The following PTCHD4 variants were observed in gnomAD, a reference collection of about 807,000 sequenced individuals.
The protein encoded by PTCHD4 is patched domain-containing protein 4.
A neutral mutation model predicts 58.1 loss-of-function variants in PTCHD4; 33 were observed. The ratio of observed to expected loss-of-function variants is 0.57; its 90% CI spans 0.43 to 0.76. The LOEUF is 0.76. Among genes scored for constraint, PTCHD4 ranks in the 30% least tolerant of loss-of-function variants. The probability of loss-of-function intolerance (pLI) is 0.00; values close to 1 mark genes in which losing one functional copy is unlikely to be tolerated. For synonymous variants in PTCHD4, 478 were observed against 409.6 expected, an observed-to-expected ratio of 1.17 and a Z score of -2.02; for missense variants, 1,058 against 1,027.1, an observed-to-expected ratio of 1.03 and a Z score of -0.41.
At chr6:47,936,251 C>A (rs1449011752) in intron 4 of PTCHD4, among the ~76,000 whole-genome samples, 1 of 152,150 alleles carries the variant, frequency 6.6e-6, no homozygotes, top group Non-Finnish European at 1.5e-5. Context: ...ATTCTAGAGA[C>A]ATATCTTGAA....
At chr6:48,034,160 A>G (rs1763548267) in intron 3 of PTCHD4, among the ~76,000 whole-genome samples, 1 of 152,110 alleles carries the variant, frequency 6.6e-6, no homozygotes, top group African/African-American at 2.4e-5. Context: ...CCTGGATATT[A>G]GGGAAAAACA....
chr6:48,100,754 T>C (rs1321708757), intron 1 of PTCHD4, among the ~76,000 whole-genome samples: 2 of 152,232 alleles, frequency 1.3e-5, no homozygotes, highest in African/African-American at 4.8e-5. Flanking sequence ...CATTGTTCTG[T>C]GTGTTTCTTG....
Position 47,969,187 on chromosome 6 carries a change from C to G in PTCHD4, c.898+39447G>C, listed in dbSNP as rs539675618. 2.9e-4 allele frequency among the ~76,000 whole-genome samples: 44 copies of G among 152,240 alleles called. No individual in the cohort carries two copies. The South Asian group carries it at 8.1e-3, about 28-fold the overall frequency. On this transcript the variant is annotated intron_variant, in intron 4 of 4. Coordinates refer to ENST00000339488, the MANE Select transcript of PTCHD4 (RefSeq NM_001384253.1). Reference sequence around the variant, plus strand: ...ATTTTTAAAAAATGGAGTTACTGATCATCTATTCATCCCGTAAACTTCAGG... The same window carrying G: ...ATTTTTAAAAAATGGAGTTACTGATGATCTATTCATCCCGTAAACTTCAGG...
At chr6:47,994,567 A>T (rs1195188194) in intron 4 of PTCHD4, among the ~76,000 whole-genome samples, 1 of 152,216 alleles carries the variant, frequency 6.6e-6, no homozygotes, top group Non-Finnish European at 1.5e-5. Context: ...ATGACATAGA[A>T]CAAAGAATAT....
intron 3 of PTCHD4, among the ~76,000 whole-genome samples, chr6:48,016,961 C>A (rs532448380): frequency 6.6e-6 from 1 of 152,268 alleles, no homozygotes; most frequent in Non-Finnish European, 1.5e-5. Context: ...TTGTCCAAGA[C>A]AATTGCAATT....
intron 4 of PTCHD4, among the ~76,000 whole-genome samples, chr6:47,945,899 C>A (rs1384978508): frequency 1.3e-5 from 2 of 151,648 alleles, no homozygotes; most frequent in South Asian, 2.1e-4. Context: ...ACCAATTTAG[C>A]TTCATTGTTC....
At chr6:47,937,036 G>A (rs916114541) in intron 4 of PTCHD4, among the ~76,000 whole-genome samples, 1 of 152,230 alleles carries the variant, frequency 6.6e-6, no homozygotes, top group African/African-American at 2.4e-5. Flanking sequence ...ATGTGGCTGG[G>A]GCAGAGTAAG....
intron 3 of PTCHD4, among the ~76,000 whole-genome samples, chr6:48,047,871 T>C (rs1055041138): frequency 1.3e-5 from 2 of 151,872 alleles, no homozygotes; most frequent in Non-Finnish European, 2.9e-5. Flanking sequence ...AAATCTTCGT[T>C]GTTTAAGTCA....
In PTCHD4 at chr6:47,863,344, A is replaced by G. The variant is rs1051756473; in HGVS notation, c.*14959T>C. Among the ~76,000 whole-genome samples the G allele has an allele frequency of 2.6e-5, 4 of 151,872 alleles. No individual in the cohort carries two copies. The highest frequency in any genetic ancestry group is 2.1e-4 in the South Asian group (1 of 4,822). On this transcript the variant is annotated 3_prime_UTR_variant, in exon 5 of 5. Transcript: ENST00000339488. ...GACTTATGTAAGCAATGGGCTCAGA[A>G]ATTTAAGCTTCATTAGCTACATGCT...
At position 47,861,964 on chromosome 6, in the gene PTCHD4, A is replaced by G. The variant is rs745769349; in HGVS notation, c.*16339T>C. Among the ~76,000 whole-genome samples, 1 of 151,902 alleles carries G rather than the reference A, an allele frequency of 6.6e-6. No homozygotes were observed. Among genetic ancestry groups the G allele is most frequent in the African/African-American group, 2.4e-5 (1 of 41,422 alleles). On this transcript the variant is annotated 3_prime_UTR_variant, in exon 5 of 5. Coordinates refer to ENST00000339488, the MANE Select transcript of PTCHD4 (RefSeq NM_001384253.1). ...ACTGTCCATATTTCCTGTTATCGAAAAAGTTCTTCCAATCAGTTATTCTCT... is the reference window on the plus strand; with the variant it reads ...ACTGTCCATATTTCCTGTTATCGAAGAAGTTCTTCCAATCAGTTATTCTCT...
rs1173157661 is a variant in PTCHD4 at position 47,872,446 on chromosome 6, G to A, written c.*5857C>T. Among the ~76,000 whole-genome samples, 1 of 151,602 alleles carries A rather than the reference G, an allele frequency of 6.6e-6. No individual in the cohort carries two copies. The highest frequency in any genetic ancestry group is 1.5e-5 in the Non-Finnish European group (1 of 67,718). ...ATTAGACCATGCCATTAGCTGTTGG[G>A]AAACCAGAGCTCAGCTACAAATGGC... On this transcript the variant is annotated 3_prime_UTR_variant, in exon 5 of 5. Transcript: ENST00000339488.
At chr6:48,016,289 C>T (rs994437303) in intron 3 of PTCHD4, among the ~76,000 whole-genome samples, 5 of 151,956 alleles carry the variant, frequency 3.3e-5, no homozygotes, top group African/African-American at 1.2e-4. Flanking sequence ...CAGTAAAGGC[C>T]ATGAAAGCCT....
At chr6:48,075,980 G>A (rs568434882) in intron 1 of PTCHD4, among the ~76,000 whole-genome samples, 18 of 152,272 alleles carry the variant, frequency 1.2e-4, no homozygotes, top group African/African-American at 4.1e-4. Context: ...AGCATGAAAT[G>A]TTGTTTGATC....
intron 1 of PTCHD4, among the ~76,000 whole-genome samples, chr6:48,086,371 AGGCAGCAG>A (rs1765264136): frequency 6.6e-6 from 1 of 152,230 alleles, no homozygotes; most frequent in Non-Finnish European, 1.5e-5. Context: ...ATAAATAAAC[AGGCAGCAG>A]TCTGAATCTG....
rs1259515127 is a variant in PTCHD4 at position 47,869,780 on chromosome 6, AC to A, written c.*8522del. Among the ~76,000 whole-genome samples the A allele has an allele frequency of 1.3e-5, 2 of 151,732 alleles. No homozygotes were observed. The highest frequency in any genetic ancestry group is 2.4e-5 in the African/African-American group (1 of 41,402). ...TGTGATTCAATAAAATACTAAAAAA[AC>A]ATAGATTATGTTATTTTACATTGTG... On this transcript the variant is annotated 3_prime_UTR_variant, in exon 5 of 5. Coordinates refer to ENST00000339488, the MANE Select transcript of PTCHD4 (RefSeq NM_001384253.1).
chr6:47,988,849 G>T (rs928300966), intron 4 of PTCHD4, among the ~76,000 whole-genome samples: 8 of 152,112 alleles, frequency 5.3e-5, no homozygotes, highest in East Asian at 1.9e-4. Context: ...TCAGTAAATT[G>T]GTACCAGTAG....
Position 48,069,539 on chromosome 6 carries a change from C to T in PTCHD4, c.-582G>A, listed in dbSNP as rs1764932156. Among the ~76,000 whole-genome samples, 1 of 152,180 alleles carries T rather than the reference C, an allele frequency of 6.6e-6. No individual in the cohort carries two copies. Among genetic ancestry groups the T allele is most frequent in the African/African-American group, 2.4e-5 (1 of 41,448 alleles). ...CAACACCTTCCTCGCTGTGATTCCA[C>T]AGACCAGTCCGCTGCAGCTGAGGGC... On this transcript the variant is annotated 5_prime_UTR_variant, in exon 2 of 5. In the 5' UTR this introduces an upstream ATG that the reference lacks. Transcript: ENST00000339488.
rs1487218644 is a variant in PTCHD4, at chr6:47,871,550, A to G, written c.*6753T>C. On this transcript the variant is annotated 3_prime_UTR_variant, in exon 5 of 5. Transcript: ENST00000339488. ...CAACTGCCTTGAAAGATTTCATATT[A>G]ATGAATATTATGTTAACCAGAATGT... Among the ~76,000 whole-genome samples, 1 of 151,574 alleles carries G rather than the reference A, an allele frequency of 6.6e-6. No individual in the cohort carries two copies. Among genetic ancestry groups the G allele is most frequent in the Admixed American group, 6.6e-5 (1 of 15,146 alleles).
At chr6:48,071,105 T>A (rs535924300) in intron 1 of PTCHD4, among the ~76,000 whole-genome samples, 1 of 152,376 alleles carries the variant, frequency 6.6e-6, no homozygotes, top group South Asian at 2.1e-4. Context: ...GGTCTCTGGC[T>A]ATCTTGCTTC....
Sources: gnomAD v4.1 joint callset for allele counts (sites outside exome capture counted in the v4.1 genomes callset) on GRCh38, gnomAD v4.1.1 for gene constraint, MANE v1.5 for transcripts, NCBI Gene and HGNC (gene_info 2026-07-23, HGNC 2026-07-21) for gene names.